The following NFKB1 variants were observed in gnomAD, a reference collection of about 807,000 sequenced individuals.
The protein encoded by NFKB1 is nuclear factor NF-kappa-B p105 subunit.
Under a neutral mutation model 105.1 loss-of-function variants are expected in NFKB1, and 9 were observed. The observed-to-expected ratio is 0.09, with a 90% CI of 0.05 to 0.15. The LOEUF is 0.15. NFKB1 is among the 10% of genes least tolerant of loss of function. The pLI is 1.00. For synonymous variants in NFKB1, 440 were observed against 442.2 expected, an observed-to-expected ratio of 1.00 and a Z score of 0.06; for missense variants, 830 against 1,203.7, an observed-to-expected ratio of 0.69 and a Z score of 4.59.
At chr4:102,522,629 A>G (rs767975706) in intron 1 of NFKB1, among the ~76,000 whole-genome samples, 11 of 152,208 alleles carry the variant, frequency 7.2e-5, no homozygotes, top group Non-Finnish European at 1.3e-4. Context: ...GTTTACATTC[A>G]GAAGTCTGGA....
chr4:102,504,307 C>T (rs1362871358), intron 1 of NFKB1, among the ~76,000 whole-genome samples: 3 of 152,084 alleles, frequency 2.0e-5, no homozygotes, highest in Admixed American at 6.5e-5. Flanking sequence ...TGTTGTATAA[C>T]CAATAGAGTA....
intron 5 of NFKB1, among the ~76,000 whole-genome samples, chr4:102,564,893 T>C (rs1326225991): frequency 6.6e-6 from 1 of 152,218 alleles, no homozygotes; most frequent in Non-Finnish European, 1.5e-5. Context: ...GTTTATTTCG[T>C]GTTCTTTCAC....
At chr4:102,610,405 T>A (rs1020874687) in intron 19 of NFKB1, among the ~76,000 whole-genome samples, 170 bp from the exon 20 acceptor site, 1 of 152,268 alleles carries the variant, frequency 6.6e-6, no homozygotes, top group African/African-American at 2.4e-5. Context: ...ATTACAATTT[T>A]AAAATAATTT....
chr4:102,602,611 A>C (rs1578819584), intron 16 of NFKB1, among the ~76,000 whole-genome samples: 2 of 152,088 alleles, frequency 1.3e-5, no homozygotes, highest in Middle Eastern at 3.4e-3. Flanking sequence ...TGTGGCTCTT[A>C]ATAGTTTTTA....
chr4:102,587,011 G>A (rs1023131031), intron 11 of NFKB1, among the ~76,000 whole-genome samples: 12 of 152,192 alleles, frequency 7.9e-5, no homozygotes, highest in African/African-American at 2.7e-4. Flanking sequence ...CAGATTTGTA[G>A]TGCACTCTAT....
chr4:102,526,940 GTATA>G (rs959238220), intron 2 of NFKB1, among the ~76,000 whole-genome samples: 157 of 143,102 alleles, frequency 1.1e-3, no homozygotes, highest in African/African-American at 3.7e-3. Flanking sequence ...GTGTGTGTGT[GTATA>G]TATGTATATA....
chr4:102,504,333 C>T (rs1169077706), intron 1 of NFKB1, among the ~76,000 whole-genome samples: 1 of 152,128 alleles, frequency 6.6e-6, no homozygotes, highest in Non-Finnish European at 1.5e-5. Context: ...TCAGATTATG[C>T]TCTTCTGGTC....
chr4:102,607,714 A>G lies in NFKB1; in HGVS notation c.2190A>G (p.Arg730=). Residue 730 remains arginine (R), a synonymous_variant, in exon 19 of 24, where the codon AGA becomes AGG. Transcript: ENST00000226574. ...CACCCCTGCATATAGCAGCTGGGAG[A>G]GGGTCCACCAGGCTGGCAGCTCTTC... The part of the protein sequence containing the change: ...GTTPLHIAAG[R]GSTRLAALLK... The G allele has an allele frequency of 3.7e-6, 6 of 1,614,176 alleles. No homozygotes were observed. Among genetic ancestry groups the G allele is most frequent in the Non-Finnish European group, 5.1e-6 (6 of 1,180,038 alleles).
At chr4:102,586,816 C>T (rs578074392) in intron 11 of NFKB1, among the ~76,000 whole-genome samples, 36 of 152,310 alleles carry the variant, frequency 2.4e-4, no homozygotes, top group African/African-American at 8.2e-4. Context: ...AGGTTGGAAA[C>T]CGCAAAGGTG....
chr4:102,557,826 G>T (rs998469588), intron 5 of NFKB1, among the ~76,000 whole-genome samples: 3 of 152,044 alleles, frequency 2.0e-5, no homozygotes, highest in African/African-American at 7.2e-5. Context: ...TTCGAGAGTT[G>T]CCCTCCCTTC....
intron 3 of NFKB1, 41 bp downstream of exon 3, chr4:102,529,955 A>G: frequency 7.0e-7 from 1 of 1,426,406 alleles, no homozygotes; most frequent in South Asian, 1.2e-5. Context: ...TTCTGCTTTC[A>G]GTCTTAGTAA....
chr4:102,554,800 C>G (rs1244937059), intron 5 of NFKB1, among the ~76,000 whole-genome samples: 5 of 152,180 alleles, frequency 3.3e-5, no homozygotes, highest in Non-Finnish European at 7.4e-5. Context: ...CTGGTTTTAC[C>G]TAGAGCCAAC....
chr4:102,565,376 G>A (rs555852511), intron 5 of NFKB1, among the ~76,000 whole-genome samples: 14 of 152,200 alleles, frequency 9.2e-5, no homozygotes, highest in Admixed American at 2.0e-4. Context: ...GTCCTTTGTT[G>A]ACGAGTGAAA....
intron 21 of NFKB1, 100 bp downstream of exon 21, chr4:102,612,210 CT>C: frequency 8.4e-7 from 1 of 1,186,300 alleles, no homozygotes; most frequent in Non-Finnish European, 1.2e-6. Context: ...GTTAAAAGTT[CT>C]TATTTCAGAA....
chr4:102,577,230 A>G (rs1224091931), intron 7 of NFKB1, among the ~76,000 whole-genome samples, 191 bp downstream of exon 7: 1 of 152,172 alleles, frequency 6.6e-6, no homozygotes, highest in African/African-American at 2.4e-5. Flanking sequence ...AGCCTGTCAT[A>G]CAAAGCCCTG....
intron 5 of NFKB1, among the ~76,000 whole-genome samples, chr4:102,556,890 AG>A (rs1338583773): frequency 6.6e-6 from 1 of 152,180 alleles, no homozygotes; most frequent in Non-Finnish European, 1.5e-5. Context: ...ATCATTATCC[AG>A]AAGGGGCTTT....
intron 1 of NFKB1, among the ~76,000 whole-genome samples, chr4:102,515,241 G>T (rs1740086127): frequency 6.8e-6 from 1 of 146,218 alleles, no homozygotes; most frequent in Non-Finnish European, 1.5e-5. Flanking sequence ...CTCCCAAGTA[G>T]CTGGGACTAC....
At chr4:102,607,002 T>A (rs540935793) in intron 17 of NFKB1, 148 bp from the exon 18 acceptor site, 64 of 829,492 alleles carry the variant, frequency 7.7e-5, no homozygotes, top group Non-Finnish European at 1.3e-4. Flanking sequence ...AATAGGAGAC[T>A]GTGGGTCTTC....
At chr4:102,602,744 G>A (rs1727298307) in intron 16 of NFKB1, among the ~76,000 whole-genome samples, 2 of 152,104 alleles carry the variant, frequency 1.3e-5, no homozygotes, top group African/African-American at 2.4e-5. Context: ...GAAAAGTAAA[G>A]TTAGTGACTC....
Sources: gnomAD v4.1 joint callset for allele counts (sites outside exome capture counted in the v4.1 genomes callset) on GRCh38, gnomAD v4.1.1 for gene constraint, MANE v1.5 for transcripts, NCBI Gene and HGNC (gene_info 2026-07-23, HGNC 2026-07-21) for gene names.